Variants in KCNIP3 observed in about 807,000 individuals in gnomAD.
KCNIP3 encodes the protein calsenilin.
KCNIP3 carries 28 observed loss-of-function variants against 35.0 expected under a neutral mutation model. The observed-to-expected ratio is 0.80, with a 90% CI of 0.59 to 1.10. The LOEUF (loss-of-function observed/expected upper bound fraction) is 1.10, where lower values mean the gene tolerates loss of function less well. KCNIP3 is among the 50% of genes least tolerant of loss of function. KCNIP3 has a pLI of 0.00. For synonymous variants in KCNIP3, 134 were observed against 133.8 expected, an observed-to-expected ratio of 1.00 and a Z score of -0.01; for missense variants, 295 against 338.4, an observed-to-expected ratio of 0.87 and a Z score of 1.01.
At chr2:95,320,798 G>A (rs1423002451) in intron 2 of KCNIP3, among the ~76,000 whole-genome samples, 1 of 152,168 alleles carries the variant, frequency 6.6e-6, no homozygotes, top group South Asian at 2.1e-4. Context: ...CTGAATTGGA[G>A]GGAGGATGGA....
intron 3 of KCNIP3, 49 bp from the exon 4 acceptor site, chr2:95,374,799 C>T (rs112461904): frequency 1.5e-5 from 24 of 1,593,070 alleles, no homozygotes; most frequent in African/African-American, 1.1e-4. Context: ...CAGAGTCGGG[C>T]TTGGAGCTGG....
chr2:95,323,932 G>A (rs1379464091), intron 2 of KCNIP3, among the ~76,000 whole-genome samples: 3 of 152,210 alleles, frequency 2.0e-5, no homozygotes, highest in East Asian at 3.9e-4. Context: ...GGAGGGGAGG[G>A]CTGCCAGGGC....
At position 95,376,008 on chromosome 2, in the gene KCNIP3, A is replaced by C. The variant is rs1338713684; in HGVS notation, c.447+800A>C. On this transcript the variant is annotated intron_variant, in intron 5 of 8. Transcript: ENST00000295225. The surrounding 1 kb of genome is among the most constrained non-coding windows in gnomAD (Gnocchi z 4.2). The stretch of plus-strand genomic sequence containing the variant: ...CACACGGGGTAATAATAACTTGTCG[A>C]TAAGCTGCGCGGGTTATTTTTATGC... 6.6e-6 allele frequency among the ~76,000 whole-genome samples: 1 copy of C among 152,194 alleles called. No homozygotes were observed. The highest frequency in any genetic ancestry group is 1.5e-5 in the Non-Finnish European group (1 of 68,024).
chr2:95,343,900 C>A (rs753066941), intron 2 of KCNIP3, among the ~76,000 whole-genome samples: 6 of 152,042 alleles, frequency 3.9e-5, no homozygotes, highest in Non-Finnish European at 8.8e-5. Context: ...CCACCCCGAC[C>A]CCAAAGCAAT....
At chr2:95,320,756 C>A (rs189016015) in intron 2 of KCNIP3, among the ~76,000 whole-genome samples, 1 of 152,108 alleles carries the variant, frequency 6.6e-6, no homozygotes, top group Non-Finnish European at 1.5e-5. Flanking sequence ...CCAGGGGACA[C>A]ATTCAGATCA....
chr2:95,330,148 G>T (rs1174647956), intron 2 of KCNIP3, among the ~76,000 whole-genome samples: 1 of 152,230 alleles, frequency 6.6e-6, no homozygotes, highest in African/African-American at 2.4e-5. Context: ...GAGCAGGAAG[G>T]TCTGGCCGCG....
At chr2:95,347,331 G>A (rs1228058692) in intron 2 of KCNIP3, among the ~76,000 whole-genome samples, 1 of 152,220 alleles carries the variant, frequency 6.6e-6, no homozygotes, top group Admixed American at 6.5e-5. Context: ...CGCTTGGGCT[G>A]GGTGTGAGTG....
At chr2:95,354,992 C>T (rs1679620699) in intron 2 of KCNIP3, 3 of 152,266 alleles carry the variant, frequency 2.0e-5, no homozygotes, top group Admixed American at 6.5e-5. Flanking sequence ...AGAATGCTCT[C>T]TCTTTGGGGG....
intron 2 of KCNIP3, among the ~76,000 whole-genome samples, chr2:95,360,050 T>C (rs1679753331): frequency 6.6e-6 from 1 of 152,244 alleles, no homozygotes; most frequent in African/African-American, 2.4e-5. Context: ...TCTTCTTTCA[T>C]TTTACTATAT....
chr2:95,346,438 C>T (rs1206720173), intron 2 of KCNIP3, among the ~76,000 whole-genome samples: 1 of 150,860 alleles, frequency 6.6e-6, no homozygotes, highest in African/African-American at 2.4e-5. Context: ...TGGGCTGGCC[C>T]GTGCCGGGCG....
chr2:95,310,238 T>C, intron 1 of KCNIP3, 117 bp from the exon 2 acceptor site: 1 of 1,228,488 alleles, frequency 8.1e-7, no homozygotes, highest in Non-Finnish European at 1.2e-6. Flanking sequence ...CCCCGGAAGG[T>C]GAGCCCTCTG....
chr2:95,355,590 G>A (rs1573509540), intron 2 of KCNIP3, among the ~76,000 whole-genome samples: 1 of 152,268 alleles, frequency 6.6e-6, no homozygotes, highest in East Asian at 1.9e-4. Context: ...GTGAGAACAT[G>A]CGGTGTTTGG....
rs201777058 is a variant in KCNIP3 at position 95,313,934 on chromosome 2, TAC to T, written c.181+3428_181+3429del. 654 of 147,810 alleles carry T rather than the reference TAC, an allele frequency of 4.4e-3. 5 individuals carry two copies. Among genetic ancestry groups the T allele is most frequent in the Middle Eastern group, 0.024 (7 of 286 alleles). The allele number at this position is 147,810 out of a possible 1,614,324, so 9.2% of individuals were successfully genotyped here. On this transcript the variant is annotated intron_variant, in intron 2 of 8. Coordinates refer to ENST00000295225, the MANE Select transcript of KCNIP3 (RefSeq NM_013434.5). ...CATTCCTCACACACACACACACACA[TAC>T]ACACACACACACATACACACACAAG...
chr2:95,338,828 G>T (rs1359528450), intron 2 of KCNIP3, among the ~76,000 whole-genome samples: 1 of 152,170 alleles, frequency 6.6e-6, no homozygotes, highest in Non-Finnish European at 1.5e-5. Flanking sequence ...AAGACATATT[G>T]GTGTAAAGCA....
Position 95,382,515 on chromosome 2 carries a change from G to GC in KCNIP3, c.660+36dup. On this transcript the variant is annotated intron_variant, in intron 7 of 8. Transcript: ENST00000295225. The surrounding 1 kb of genome is among the most constrained non-coding windows in gnomAD (Gnocchi z 4.5). The stretch of plus-strand genomic sequence containing the variant: ...GCGCCAGCCCTGCCTAGGGAGGGGA[G>GC]CCTGGCAGAGGAAGGGGCTCTCGCT... The GC allele has an allele frequency of 1.3e-6, 2 of 1,497,506 alleles. No individual in the cohort carries two copies. Among genetic ancestry groups the GC allele is most frequent in the Non-Finnish European group, 1.8e-6 (2 of 1,098,232 alleles). 92.8% of individuals were successfully genotyped at this position (1,497,506 alleles called of 1,614,324 possible). A position where few individuals can be genotyped will look rare whatever the true frequency, so the allele number is the denominator to read the frequency against.
At chr2:95,369,243 A>G (rs1461521381) in intron 2 of KCNIP3, among the ~76,000 whole-genome samples, 4 of 152,102 alleles carry the variant, frequency 2.6e-5, no homozygotes, top group African/African-American at 9.7e-5. Flanking sequence ...TTTTTAGACT[A>G]TTAATGTGGT....
Position 95,382,344 on chromosome 2 carries a change from T to G in KCNIP3, c.556-33T>G, listed in dbSNP as rs766818138. On this transcript the variant is annotated intron_variant, in intron 6 of 8. Transcript: ENST00000295225. The surrounding 1 kb of genome is among the most constrained non-coding windows in gnomAD (Gnocchi z 4.5). ...TTGGGCCCTCACAGCCACCCCGGCC[T>G]TGCAGCAGGCTCATGCCAGCCTCCC... The G allele has an allele frequency of 1.3e-5, 19 of 1,474,840 alleles. No homozygotes were observed. Among genetic ancestry groups the G allele is most frequent in the Admixed American group, 6.2e-5 (3 of 48,464 alleles). The allele number at this position is 1,474,840 out of a possible 1,614,324, so 91.4% of individuals were successfully genotyped here.
chr2:95,373,548 G>A (rs1397905167), intron 2 of KCNIP3, among the ~76,000 whole-genome samples: 4 of 148,620 alleles, frequency 2.7e-5, no homozygotes, highest in Non-Finnish European at 4.4e-5. Flanking sequence ...TCAGCCTCCC[G>A]AGTAGCTGGG....
At chr2:95,312,221 C>T (rs1179443908) in intron 2 of KCNIP3, 3 of 152,444 alleles carry the variant, frequency 2.0e-5, no homozygotes, top group East Asian at 1.9e-4. Context: ...TCCCGTCTCT[C>T]TCTGGCAGGC....
Sources: allele counts gnomAD v4.1 joint callset (sites outside exome capture counted in the v4.1 genomes callset), GRCh38; gene constraint gnomAD v4.1.1; non-coding constraint Gnocchi (gnomAD v3.1); transcripts MANE v1.5; gene names NCBI Gene and HGNC (gene_info 2026-07-23, HGNC 2026-07-21).